The following MME variants were observed in gnomAD, a reference collection of about 807,000 sequenced individuals.
MME encodes neprilysin.
MME carries 98 observed loss-of-function variants against 113.2 expected under a neutral mutation model. The ratio of observed to expected loss-of-function variants is 0.87; its 90% CI spans 0.74 to 1.02. The LOEUF (loss-of-function observed/expected upper bound fraction) is 1.02, where lower values mean the gene tolerates loss of function less well. MME is among the 50% of genes least tolerant of loss of function. The probability of loss-of-function intolerance (pLI) is 0.00; values close to 1 mark genes in which losing one functional copy is unlikely to be tolerated. For synonymous variants in MME, 292 were observed against 300.6 expected, an observed-to-expected ratio of 0.97 and a Z score of 0.30; for missense variants, 836 against 896.0, an observed-to-expected ratio of 0.93 and a Z score of 0.86.
Position 155,116,747 on chromosome 3 carries a change from G to A in MME, c.523G>A (p.Glu175Lys), listed in dbSNP as rs1457905806. The change falls in exon 6 of 23, where the codon GAG (glutamate) becomes AAG (lysine). Residue 175 changes from glutamate to lysine, a missense_variant. Physicochemically the swap from Glu to Lys is moderately conservative, Grantham distance 56. Transcript: ENST00000360490. ...GTGGCCAGTAGCAACAGAAAACTGG[G>A]AGCAAAAATATGGTAAGGCAATTTT... ...YGWPVATENW[E>K]QKYGASWTAE... 1 of 1,613,292 alleles carries A rather than the reference G, an allele frequency of 6.2e-7. No homozygotes were observed. The highest frequency in any genetic ancestry group is 2.2e-5 in the East Asian group (1 of 44,800).
At chr3:155,171,674 T>C (rs1181004731) in intron 20 of MME, among the ~76,000 whole-genome samples, 1 of 152,172 alleles carries the variant, frequency 6.6e-6, no homozygotes, top group African/African-American at 2.4e-5. Flanking sequence ...TCCTTTGACT[T>C]GGCAAGAATC....
At chr3:155,082,658 A>C (rs975042847) in intron 1 of MME, among the ~76,000 whole-genome samples, 2 of 152,206 alleles carry the variant, frequency 1.3e-5, no homozygotes, top group Admixed American at 1.3e-4. Flanking sequence ...GTGTAATAAA[A>C]TATTTTTATT....
Position 155,117,575 on chromosome 3 carries a change from TTTTC to T in MME, c.654+596_654+599del, listed in dbSNP as rs1718724143. Among the ~76,000 whole-genome samples the T allele has an allele frequency of 6.1e-5, 9 of 148,430 alleles. No individual in the cohort carries two copies. In the South Asian group the frequency reaches 2.0e-3, roughly 33 times the overall value. On this transcript the variant is annotated intron_variant, in intron 7 of 22. Transcript: ENST00000360490. ...GAATGTACTGAAAAATATAAAGAGT[TTTTC>T]TTTCTTCCTTTTTTTTTTTGTTTTT...
chr3:155,060,831 G>GAGAGAGAC (rs751313179), intron 1 of MME, among the ~76,000 whole-genome samples: 6,252 of 136,196 alleles, frequency 0.046, 142 homozygotes, highest in African/African-American at 0.055. Context: ...CAGAGAGGCA[G>GAGAGAGAC]AGAGAGAGAG....
At chr3:155,048,380 GTCT>G (rs1713638661) in intron 1 of MME, among the ~76,000 whole-genome samples, 1 of 152,046 alleles carries the variant, frequency 6.6e-6, no homozygotes. Context: ...TCTACAATCT[GTCT>G]TCTTTTGTTT....
chr3:155,172,574 C>T lies in MME; in HGVS notation c.2115C>T (p.Asn705=), dbSNP rs202239333. The change falls in exon 22 of 23, where the codon AAC becomes AAT. Residue 705 remains asparagine (N), a synonymous_variant. Transcript: ENST00000360490. Reference sequence around the variant, plus strand: ...CCTATAGGCCAGAGTATGCGGTTAACTCCATTAAAACAGATGTGCACAGTC... The same window carrying T: ...CCTATAGGCCAGAGTATGCGGTTAATTCCATTAAAACAGATGTGCACAGTC... ...CGTYRPEYAV[N]SIKTDVHSPG... The T allele has an allele frequency of 3.1e-6, 5 of 1,613,110 alleles. No individual in the cohort carries two copies. The highest frequency in any genetic ancestry group is 3.4e-6 in the Non-Finnish European group (4 of 1,179,290).
rs768601532 is a variant in MME at position 155,180,362 on chromosome 3, T to G, written c.2156T>G (p.Ile719Ser). The G allele has an allele frequency of 6.2e-7, 1 of 1,612,406 alleles. No individual in the cohort carries two copies. The highest frequency in any genetic ancestry group is 1.1e-5 in the South Asian group (1 of 91,058). ...TDVHSPGNFR[I>S]IGTLQNSAEF... ...GACTTTTTTTGTTTGTTTCAAAGGA[T>G]TATTGGGACTTTGCAGAACTCTGCA... Residue 719 changes from isoleucine (I) to serine (S), a missense_variant and splice_region_variant, in exon 23 of 23, where the codon ATT becomes AGT. By Grantham distance (142) the Ile-to-Ser change is moderately radical. Coordinates refer to ENST00000360490, the MANE Select transcript of MME (RefSeq NM_007289.4).
chr3:155,063,497 TTA>T (rs1714249654), intron 1 of MME, among the ~76,000 whole-genome samples: 4 of 109,480 alleles, frequency 3.7e-5, no homozygotes, highest in Non-Finnish European at 5.1e-5. Flanking sequence ...ATATATATAT[TTA>T]AATATATATA....
intron 1 of MME, among the ~76,000 whole-genome samples, chr3:155,073,091 C>T (rs1347706433): frequency 1.3e-5 from 2 of 152,056 alleles, no homozygotes; most frequent in Non-Finnish European, 2.9e-5. Flanking sequence ...CAAATTTTTC[C>T]GAGTTGTGGA....
chr3:155,163,169 G>A lies in MME; in HGVS notation c.1660+2721G>A, dbSNP rs1385129601. 3.9e-5 allele frequency among the ~76,000 whole-genome samples: 6 copies of A among 152,044 alleles called. No individual in the cohort carries two copies. In the East Asian group the frequency reaches 7.7e-4, roughly 20 times the overall value. ...GTTGGTATAGAGTAATATGTGCCACGTAAGTGAGCCCCTCCCTCCATACAC... is the reference window on the plus strand; with the variant it reads ...GTTGGTATAGAGTAATATGTGCCACATAAGTGAGCCCCTCCCTCCATACAC... On this transcript the variant is annotated intron_variant, in intron 17 of 22. Transcript: ENST00000360490.
intron 3 of MME, among the ~76,000 whole-genome samples, chr3:155,102,184 T>G (rs945820341): frequency 3.3e-5 from 5 of 152,188 alleles, no homozygotes; most frequent in African/African-American, 1.2e-4. Flanking sequence ...GTTTTAAGAT[T>G]CCGATACAGT....
At chr3:155,035,486 T>C (rs182374962) in intron 1 of MME, among the ~76,000 whole-genome samples, 4 of 152,194 alleles carry the variant, frequency 2.6e-5, no homozygotes, top group Admixed American at 2.6e-4. Flanking sequence ...GGAGTTATAA[T>C]GGCTGAGAAT....
intron 16 of MME, among the ~76,000 whole-genome samples, chr3:155,156,262 T>G: frequency 6.6e-6 from 1 of 152,188 alleles, no homozygotes; most frequent in East Asian, 1.9e-4. Context: ...CTGGTGATAA[T>G]GACTTCACTT....
intron 7 of MME, among the ~76,000 whole-genome samples, chr3:155,117,616 G>GTTTTTTTTTTTTTTTTTTTTTTTTTTT (rs1216772318): frequency 1.1e-5 from 1 of 88,126 alleles, no homozygotes; most frequent in South Asian, 3.2e-4. Context: ...TTTTTTTTTG[G>GTTTTTTTTTTTTTTTTTTTTTTTTTTT]TTTCCTGTGT....
intron 3 of MME, among the ~76,000 whole-genome samples, chr3:155,088,685 A>G (rs1034904377): frequency 6.7e-6 from 1 of 148,210 alleles, no homozygotes; most frequent in African/African-American, 2.5e-5. Flanking sequence ...CTCCATCTCA[A>G]AAAAAAAAAA....
At chr3:155,052,470 T>C (rs1034225322) in intron 1 of MME, among the ~76,000 whole-genome samples, 1 of 152,242 alleles carries the variant, frequency 6.6e-6, no homozygotes, top group South Asian at 2.1e-4. Flanking sequence ...TCCTTGTCTT[T>C]TGTGCACCTG....
At chr3:155,067,588 C>T (rs1357622963) in intron 1 of MME, among the ~76,000 whole-genome samples, 5 of 152,084 alleles carry the variant, frequency 3.3e-5, no homozygotes, top group Admixed American at 6.5e-5. Flanking sequence ...GGATTACAGG[C>T]ATGAGCCACT....
At chr3:155,071,460 T>C (rs1369868362) in intron 1 of MME, among the ~76,000 whole-genome samples, 1 of 152,216 alleles carries the variant, frequency 6.6e-6, no homozygotes, top group Non-Finnish European at 1.5e-5. Context: ...CAAATAATCA[T>C]TTGGTAATTA....
At chr3:155,069,703 G>A (rs751290255) in intron 1 of MME, among the ~76,000 whole-genome samples, 2 of 152,174 alleles carry the variant, frequency 1.3e-5, no homozygotes, top group Non-Finnish European at 2.9e-5. Flanking sequence ...AGTGACTGGA[G>A]AAATTAATAT....
Sources: gnomAD v4.1 joint callset for allele counts (sites outside exome capture counted in the v4.1 genomes callset) on GRCh38, gnomAD v4.1.1 for gene constraint, MANE v1.5 for transcripts, NCBI Gene and HGNC (gene_info 2026-07-23, HGNC 2026-07-21) for gene names.